The following MYRF variants were observed in gnomAD, a reference collection of about 807,000 sequenced individuals.
MYRF encodes the protein myelin regulatory factor.
Under a neutral mutation model 126.3 loss-of-function variants are expected in MYRF, and 16 were observed. The observed-to-expected ratio is 0.13, with a 90% CI of 0.09 to 0.19. The LOEUF (loss-of-function observed/expected upper bound fraction) is 0.19. MYRF is among the 10% of genes least tolerant of loss of function. The pLI, the probability that MYRF is intolerant of heterozygous loss-of-function variation, is 1.00. For missense variants in MYRF, 1,104 were observed against 1,547.0 expected (o/e 0.71, Z 4.80); for synonymous variants, 608 against 635.3 (o/e 0.96, Z 0.65).
chr11:61,754,187 G>C (rs1161602977), intron 1 of MYRF: 1 of 152,540 alleles, frequency 6.6e-6, no homozygotes, highest in Admixed American at 6.5e-5. Flanking sequence ...TTGGGAGGCA[G>C]GAACCCTTGT....
At chr11:61,755,748 C>G in intron 1 of MYRF, 1 of 613,376 alleles carries the variant, frequency 1.6e-6, no homozygotes, top group South Asian at 1.5e-5. Flanking sequence ...GGAAGGGGTG[C>G]CTGCTGGCCC....
In MYRF at chr11:61,784,629, G is replaced by C. The variant is rs138959995; in HGVS notation, c.3300+244G>C. ...TGCTGGAGACGTGGGGAAGACAGCA[G>C]ATCACAGGTGCTAATGTGGATGAGT... On this transcript the variant is annotated intron_variant, in intron 25 of 26. Coordinates refer to ENST00000278836, the MANE Select transcript of MYRF (RefSeq NM_001127392.3). The C allele has an allele frequency of 3.9e-4, 202 of 513,148 alleles. 1 individual carries two copies. The highest frequency in any genetic ancestry group is 2.1e-3 in the Middle Eastern group (4 of 1,872). The allele number at this position is 513,148 out of a possible 1,614,324, so 31.8% of individuals were successfully genotyped here.
rs537816646 is a variant in MYRF, at chr11:61,774,954, G to T, written c.1311+792G>T. Among the ~76,000 whole-genome samples the T allele has an allele frequency of 7.9e-5, 12 of 152,068 alleles. No individual in the cohort carries two copies. In the South Asian group the frequency reaches 2.5e-3, roughly 32 times the overall value. On this transcript the variant is annotated intron_variant, in intron 8 of 26. Transcript: ENST00000278836. ...CCCTGCACACTTGCCTCCCACCCTG[G>T]GCTCCCCTCTCAGGGAATGGGGCGC... is the stretch of plus-strand genomic sequence containing the variant.
At chr11:61,779,026 G>A (rs2066468139) in intron 14 of MYRF, 1 of 661,740 alleles carries the variant, frequency 1.5e-6, no homozygotes. Context: ...TCAGGCAGGT[G>A]GGACAGCCCA....
Position 61,770,664 on chromosome 11 carries a change from G to A in MYRF, c.740+139G>A, listed in dbSNP as rs2066193611. On this transcript the variant is annotated intron_variant, in intron 5 of 26. Coordinates refer to ENST00000278836, the MANE Select transcript of MYRF (RefSeq NM_001127392.3). ...GGGCAGAAGGCTCTGCAGGGCAGAT[G>A]GGGGTAACATATTTATACATGTTTA... 1.0e-5 allele frequency: 8 copies of A among 766,100 alleles called. No individual in the cohort carries two copies. In the South Asian group the frequency reaches 1.1e-4, roughly 11 times the overall value. The allele number at this position is 766,100 out of a possible 1,614,324, so 47.5% of individuals were successfully genotyped here. A position where few individuals can be genotyped will look rare whatever the true frequency, so the allele number is the denominator to read the frequency against.
At chr11:61,780,119 C>A in intron 17 of MYRF, 103 bp from the exon 18 acceptor site, 1 of 1,419,296 alleles carries the variant, frequency 7.0e-7, no homozygotes, top group South Asian at 1.2e-5. Flanking sequence ...GTAGGCATCA[C>A]CTGGGAGCCC....
chr11:61,761,194 C>CCGTGT (rs1481234651), intron 1 of MYRF, among the ~76,000 whole-genome samples: 2 of 150,844 alleles, frequency 1.3e-5, no homozygotes, highest in African/African-American at 4.8e-5. Context: ...TCCCACTGTG[C>CCGTGT]CGTGTCCCCA....
intron 1 of MYRF, among the ~76,000 whole-genome samples, chr11:61,753,757 A>G (rs772663816): frequency 6.6e-6 from 1 of 151,724 alleles, no homozygotes; most frequent in African/African-American, 2.4e-5. Flanking sequence ...TCCTCCATCT[A>G]ACCAACTCCC....
At chr11:61,767,177 G>A (rs1337578009) in intron 3 of MYRF, 1 of 456,744 alleles carries the variant, frequency 2.2e-6, no homozygotes, top group South Asian at 1.5e-5. Context: ...CCAGGCTTGG[G>A]GTGCCAGGGG....
rs1364148407 is a variant in MYRF, at chr11:61,766,155, C to T, written c.332C>T (p.Pro111Leu). 4 of 1,611,968 alleles carry T rather than the reference C, an allele frequency of 2.5e-6. No individual in the cohort carries two copies. The highest frequency in any genetic ancestry group is 1.1e-5 in the South Asian group (1 of 91,080). ...CNNNNGMGAA[P>L]KPFPGGTGPP... The stretch of plus-strand genomic sequence containing the variant: ...AACAACAACGGCATGGGCGCTGCCC[C>T]CAAGCCCTTCCCGGGGGGCACCGGG... Residue 111 changes from proline (P) to leucine (L), a missense_variant, in exon 3 of 27, where the codon CCC becomes CTC. Pro to Leu is a moderately conservative substitution (Grantham distance 98). This residue lies in a region of MYRF where 368 missense variants were observed against 403.9 expected (regional missense o/e 0.91). Coordinates refer to ENST00000278836, the MANE Select transcript of MYRF (RefSeq NM_001127392.3).
At position 61,785,730 on chromosome 11, in the gene MYRF, G is replaced by A. The variant is rs1345606226; in HGVS notation, c.3301-70G>A. The A allele has an allele frequency of 1.3e-5, 17 of 1,335,016 alleles. No individual in the cohort carries two copies. In the Admixed American group the frequency reaches 2.7e-4, roughly 21 times the overall value. The allele number at this position is 1,335,016 out of a possible 1,614,324, so 82.7% of individuals were successfully genotyped here. A position where few individuals can be genotyped will look rare whatever the true frequency, so the allele number is the denominator to read the frequency against. ...CCCCACAGACCCCAGGACTGCGACG[G>A]CCGTGGTGAGAGATGCTGGTTGGGA... On this transcript the variant is annotated intron_variant, in intron 25 of 26. Coordinates refer to ENST00000278836, the MANE Select transcript of MYRF (RefSeq NM_001127392.3).
Position 61,776,400 on chromosome 11 carries a change from G to A in MYRF, c.1467G>A (p.Met489Ile). 1 of 1,613,120 alleles carries A rather than the reference G, an allele frequency of 6.2e-7. No homozygotes were observed. ...LHFSETTANN[M>I]RKKGKPNPDQ... ...TCAGCGAGACCACCGCTAACAACAT[G>A]CGTAAGAAGGGCAAGCCCAACCCGG... The change falls in exon 10 of 27, where the codon ATG becomes ATA. Residue 489 changes from methionine to isoleucine, a missense_variant. Coordinates refer to ENST00000278836, the MANE Select transcript of MYRF (RefSeq NM_001127392.3). The surrounding 1 kb of genome is among the most constrained non-coding windows in gnomAD (Gnocchi z 4.3).
At position 61,757,718 on chromosome 11, in the gene MYRF, C is replaced by T. The variant is rs1210090759; in HGVS notation, c.46+4928C>T. 2.8e-6 allele frequency: 1 copy of T among 362,798 alleles called. No homozygotes were observed. Among genetic ancestry groups the T allele is most frequent in the Non-Finnish European group, 5.5e-6 (1 of 181,558 alleles). The allele number at this position is 362,798 out of a possible 1,614,324, so 22.5% of individuals were successfully genotyped here. Reference sequence around the variant, plus strand: ...GAGGGGCTTGGCTGTATTGTGACTTCATCTGCTGCACCCAGGCTCTTTGCA... The same window carrying T: ...GAGGGGCTTGGCTGTATTGTGACTTTATCTGCTGCACCCAGGCTCTTTGCA... On this transcript the variant is annotated intron_variant, in intron 1 of 26. Coordinates refer to ENST00000278836, the MANE Select transcript of MYRF (RefSeq NM_001127392.3). The surrounding 1 kb of genome is among the most constrained non-coding windows in gnomAD (Gnocchi z 4.7).
intron 1 of MYRF, chr11:61,755,712 A>G (rs931006764): frequency 5.9e-6 from 4 of 675,134 alleles, no homozygotes; most frequent in African/African-American, 5.3e-5. Context: ...AAGGAGAGAC[A>G]TGTTAGAGTA....
At position 61,777,152 on chromosome 11, in the gene MYRF, G is replaced by A. The variant is rs567392601; in HGVS notation, c.1591-112G>A. The A allele has an allele frequency of 1.8e-5, 21 of 1,193,432 alleles. No homozygotes were observed. The South Asian group carries it at 2.3e-4, about 13-fold the overall frequency. 73.9% of individuals were successfully genotyped at this position (1,193,432 alleles called of 1,614,324 possible). On this transcript the variant is annotated intron_variant, in intron 11 of 26. Transcript: ENST00000278836. This position sits in a 1 kb window ranked among gnomAD's most constrained non-coding sequence, Gnocchi z 8.8. ...CAGTTCAAGTTGGGCTTGGTGCAGT[G>A]AGAAACCCTGGCTGGAAGGGGAGGG...
chr11:61,783,309 G>A lies in MYRF; in HGVS notation c.3017-189G>A. 1 of 515,730 alleles carries A rather than the reference G, an allele frequency of 1.9e-6. No individual in the cohort carries two copies. The highest frequency in any genetic ancestry group is 3.5e-6 in the Non-Finnish European group (1 of 285,626). 31.9% of individuals were successfully genotyped at this position (515,730 alleles called of 1,614,324 possible). ...TGAGGAGGCAGACGTCAGGCTCATG[G>A]GAACTGGGTAGTCCTAGGGCTGCTG... is the stretch of plus-strand genomic sequence containing the variant. On this transcript the variant is annotated intron_variant, in intron 22 of 26. Coordinates refer to ENST00000278836, the MANE Select transcript of MYRF (RefSeq NM_001127392.3). The surrounding 1 kb of genome is among the most constrained non-coding windows in gnomAD (Gnocchi z 4.6).
At position 61,784,275 on chromosome 11, in the gene MYRF, T is replaced by C. The variant is rs1395014127; in HGVS notation, c.3195-5T>C. The C allele has an allele frequency of 6.2e-7, 1 of 1,613,516 alleles. No individual in the cohort carries two copies. Among genetic ancestry groups the C allele is most frequent in the East Asian group, 2.2e-5 (1 of 44,860 alleles). ...CATTTCTCTGCTAACTGGGCCTGTC[T>C]ACAGCTCCTCCTCCCCCGTGTCTGT... On this transcript the variant is annotated splice_region_variant and splice_polypyrimidine_tract_variant and intron_variant, in intron 24 of 26. Transcript: ENST00000278836.
intron 1 of MYRF, among the ~76,000 whole-genome samples, chr11:61,760,238 A>T (rs181935125): frequency 0.014 from 2,110 of 152,264 alleles, 21 homozygotes; most frequent in Non-Finnish European, 0.021. Flanking sequence ...AAGTGCTGGG[A>T]TTACAGGTGT....
Position 61,787,251 on chromosome 11 carries a change from C to T in MYRF, c.*1108C>T, listed in dbSNP as rs2066715021. On this transcript the variant is annotated 3_prime_UTR_variant, in exon 27 of 27. Transcript: ENST00000278836. Reference sequence around the variant, plus strand: ...CAAAGACAGGGCTCTGACTCTGATCCCTCCCAGGGAGCCTCCGACACCCAT... The same window carrying T: ...CAAAGACAGGGCTCTGACTCTGATCTCTCCCAGGGAGCCTCCGACACCCAT... The T allele has an allele frequency of 6.6e-6, 1 of 152,366 alleles. No individual in the cohort carries two copies. 9.4% of individuals were successfully genotyped at this position (152,366 alleles called of 1,614,324 possible).
Sources: gnomAD v4.1 joint callset for allele counts (sites outside exome capture counted in the v4.1 genomes callset) on GRCh38, gnomAD v4.1.1 for gene constraint, gnomAD v4.1.1 regional missense constraint, Gnocchi (gnomAD v3.1) non-coding constraint, MANE v1.5 for transcripts, NCBI Gene and HGNC (gene_info 2026-07-23, HGNC 2026-07-21) for gene names.